ANXA4: variants seen among roughly 807,000 people sequenced by gnomAD.
ANXA4 encodes the protein annexin A4.
Under a neutral mutation model 49.8 loss-of-function variants are expected in ANXA4, and 39 were observed. The ratio of observed to expected loss-of-function variants is 0.78; its 90% confidence interval spans 0.61 to 1.02. The LOEUF is 1.02. Ranked by LOEUF, ANXA4 falls within the 50% of genes least tolerant of loss-of-function variation. The pLI is 0.00. For synonymous variants in ANXA4, 134 were observed against 152.5 expected, an observed-to-expected ratio of 0.88 and a Z score of 0.89; for missense variants, 360 against 410.1, an observed-to-expected ratio of 0.88 and a Z score of 1.05.
chr2:69,821,914 G>GA (rs377297180), intron 12 of ANXA4, among the ~76,000 whole-genome samples: 48 of 152,100 alleles, frequency 3.2e-4, no homozygotes, highest in Middle Eastern at 3.4e-3. Flanking sequence ...CTACAAACAA[G>GA]AAAAAAACAA....
At chr2:69,666,606 T>A (rs774051082) in intron 2 of ANXA4, among the ~76,000 whole-genome samples, 1 of 152,218 alleles carries the variant, frequency 6.6e-6, no homozygotes, top group African/African-American at 2.4e-5. Flanking sequence ...AACTGATGAA[T>A]GGATAAACAA....
intron 2 of ANXA4, among the ~76,000 whole-genome samples, chr2:69,718,950 G>C (rs888431676): frequency 2.0e-5 from 3 of 150,776 alleles, no homozygotes; most frequent in Admixed American, 6.6e-5. Flanking sequence ...AGCTTTTCCT[G>C]ATATTCCAAG....
intron 2 of ANXA4, among the ~76,000 whole-genome samples, chr2:69,668,276 A>G (rs1437175711): frequency 6.6e-6 from 1 of 152,186 alleles, no homozygotes. Flanking sequence ...TTACAGAAGT[A>G]TAAGGAATGA....
At chr2:69,666,529 A>G (rs112092971) in intron 2 of ANXA4, among the ~76,000 whole-genome samples, 214 of 152,354 alleles carry the variant, frequency 1.4e-3, no homozygotes, top group Non-Finnish European at 2.4e-3. Flanking sequence ...AAAAAAACTT[A>G]TACACAAATG....
chr2:69,824,791 G>A (rs918385833), intron 12 of ANXA4, among the ~76,000 whole-genome samples: 1 of 152,038 alleles, frequency 6.6e-6, no homozygotes, highest in South Asian at 2.1e-4. Flanking sequence ...CCCTAGCACG[G>A]TTGCTCACGC....
intron 1 of ANXA4, among the ~76,000 whole-genome samples, chr2:69,770,395 G>A (rs2105554846): frequency 6.6e-6 from 1 of 152,272 alleles, no homozygotes; most frequent in African/African-American, 2.4e-5. Flanking sequence ...TGTCATCCTT[G>A]TGGGCTGTAA....
At chr2:69,652,043 C>A (rs1027781803) in intron 1 of ANXA4, among the ~76,000 whole-genome samples, 1 of 151,980 alleles carries the variant, frequency 6.6e-6, no homozygotes, top group African/African-American at 2.4e-5. Context: ...GATGGAGTCT[C>A]ACTCTATCAC....
chr2:69,659,514 C>T (rs938766069), intron 2 of ANXA4, among the ~76,000 whole-genome samples: 6 of 152,190 alleles, frequency 3.9e-5, no homozygotes, highest in Non-Finnish European at 7.3e-5. Flanking sequence ...TGATCAATAG[C>T]TCACTGCAAC....
intron 12 of ANXA4, among the ~76,000 whole-genome samples, chr2:69,822,732 GTAGAT>G (rs1314013311): frequency 2.0e-5 from 3 of 152,188 alleles, no homozygotes; most frequent in African/African-American, 7.2e-5. Flanking sequence ...GGGACAGAAA[GTAGAT>G]TAGAGGTTAC....
intron 2 of ANXA4, among the ~76,000 whole-genome samples, chr2:69,666,761 T>C (rs1345741672): frequency 2.6e-5 from 4 of 152,108 alleles, no homozygotes; most frequent in Admixed American, 6.6e-5. Context: ...ATATAAAATA[T>C]CAGGCTGGGT....
At chr2:69,807,841 T>A (rs918104078) in intron 5 of ANXA4, 65 bp from the exon 6 acceptor site, 2 of 1,335,512 alleles carry the variant, frequency 1.5e-6, no homozygotes, top group African/African-American at 2.9e-5. Context: ...ATGTATTCCT[T>A]CTGTGTCTGG....
At chr2:69,816,235 G>A (rs745381965) in intron 9 of ANXA4, 41 bp downstream of exon 9, 2 of 1,563,878 alleles carry the variant, frequency 1.3e-6, no homozygotes, top group South Asian at 1.1e-5. Context: ...AGGAGTGAAA[G>A]ATAGCAAAAA....
chr2:69,712,890 C>T (rs1296653347), intron 2 of ANXA4, among the ~76,000 whole-genome samples: 1 of 152,182 alleles, frequency 6.6e-6, no homozygotes, highest in African/African-American at 2.4e-5. Context: ...GGACGCCTAC[C>T]ACCATTCATT....
rs1333680051 is a variant in ANXA4, at chr2:69,656,379, GTA to G, written n.766+3105_766+3106del. ...TGTGTATATATATGTGTATATATGTGTATATATATGTGTATATATATGTATAT... is the reference window on the plus strand; with the variant it reads ...TGTGTATATATATGTGTATATATGTGTATATATGTGTATATATATGTATAT... On this transcript the variant is annotated intron_variant and non_coding_transcript_variant, in intron 2 of 3. Coordinates refer to the ANXA4 transcript ENST00000418066. 5.5e-3 allele frequency among the ~76,000 whole-genome samples: 413 copies of G among 75,432 alleles called. 19 individuals are homozygous for G. Among genetic ancestry groups the G allele is most frequent in the African/African-American group, 7.0e-3 (188 of 26,960 alleles). The allele number at this position is 75,432 out of a possible 152,430, so 49.5% of individuals were successfully genotyped here.
In ANXA4 at chr2:69,804,628, G is replaced by A; in HGVS notation, c.192+1G>A. On this transcript the variant is annotated splice_donor_variant, in intron 4 of 12. Coordinates refer to ENST00000394295, the MANE Select transcript of ANXA4 (RefSeq NM_001153.5). LOFTEE classifies it high-confidence loss of function. ...AGCCTACAAGAGCACCATCGGCAGG[G>A]TAGGCCACAGTCTTTCCTGCTCTGT... The A allele has an allele frequency of 6.2e-7, 1 of 1,610,196 alleles. No individual in the cohort carries two copies.
chr2:69,754,448 A>T (rs911355173), intron 1 of ANXA4, among the ~76,000 whole-genome samples: 1 of 152,018 alleles, frequency 6.6e-6, no homozygotes, highest in African/African-American at 2.4e-5. Flanking sequence ...TTTTTTAGAG[A>T]TGGGGGTCTT....
chr2:69,798,191 TTAAA>T (rs1673025460), intron 3 of ANXA4, among the ~76,000 whole-genome samples: 1 of 151,954 alleles, frequency 6.6e-6, no homozygotes, highest in Admixed American at 6.5e-5. Context: ...TCATTAGGAG[TTAAA>T]TAGTCTTTGA....
rs151135097 is a variant in ANXA4 at position 69,649,292 on chromosome 2, A to G, written n.482-3706A>G. 6.3e-3 allele frequency among the ~76,000 whole-genome samples: 957 copies of G among 152,212 alleles called. 22 individuals are homozygous for G. The highest frequency in any genetic ancestry group is 0.011 in the East Asian group (57 of 5,188). Reference sequence around the variant, plus strand: ...TGTGCTCATTGAAGAAAGTAGATAGAAGAAAATAAAAATCAGCTATAATTC... The same window carrying G: ...TGTGCTCATTGAAGAAAGTAGATAGGAGAAAATAAAAATCAGCTATAATTC... On this transcript the variant is annotated intron_variant and non_coding_transcript_variant, in intron 1 of 3. Coordinates refer to the ANXA4 transcript ENST00000418066.
chr2:69,745,383 A>T (rs141407410), intron 1 of ANXA4, among the ~76,000 whole-genome samples: 18 of 152,320 alleles, frequency 1.2e-4, no homozygotes, highest in Non-Finnish European at 2.2e-4. Flanking sequence ...GATTAAGCTC[A>T]GTTAACTTCT....
Sources: gnomAD v4.1 joint callset for allele counts (sites outside exome capture counted in the v4.1 genomes callset) on GRCh38, gnomAD v4.1.1 for gene constraint, MANE v1.5 for transcripts, NCBI Gene and HGNC (gene_info 2026-07-23, HGNC 2026-07-21) for gene names.